KCNQ5: variants seen among roughly 807,000 people sequenced by gnomAD.
KCNQ5 encodes potassium voltage-gated channel subfamily KQT member 5.
KCNQ5 carries 30 observed loss-of-function variants against 98.2 expected under a neutral mutation model. The ratio of observed to expected loss-of-function variants is 0.31; its 90% CI spans 0.23 to 0.41. KCNQ5 has a LOEUF of 0.41. Ranked by LOEUF, KCNQ5 falls within the 10% of genes least tolerant of loss-of-function variation. The probability of loss-of-function intolerance (pLI) is 1.00; values close to 1 mark genes in which losing one functional copy is unlikely to be tolerated. For missense variants in KCNQ5, 835 were observed against 1,182.5 expected (o/e 0.71, Z 4.31); for synonymous variants, 458 against 449.4 (o/e 1.02, Z -0.24).
intron 1 of KCNQ5, among the ~76,000 whole-genome samples, chr6:72,929,044 T>C (rs779329770): frequency 6.6e-5 from 10 of 152,144 alleles, no homozygotes; most frequent in Non-Finnish European, 1.2e-4. Context: ...TATGATTATA[T>C]AATTAATCAG....
At chr6:72,631,595 T>A (rs2098920823) in intron 1 of KCNQ5, among the ~76,000 whole-genome samples, 1 of 152,198 alleles carries the variant, frequency 6.6e-6, no homozygotes. Context: ...CAATGTGGAA[T>A]TCTTCAGTGA....
chr6:72,999,112 G>C (rs1582165461), intron 1 of KCNQ5, among the ~76,000 whole-genome samples: 1 of 152,070 alleles, frequency 6.6e-6, no homozygotes, highest in African/African-American at 2.4e-5. Context: ...TTTCATTCTT[G>C]CTAAATGAAT....
chr6:72,680,615 G>A (rs1006884920), intron 1 of KCNQ5, among the ~76,000 whole-genome samples: 1 of 152,098 alleles, frequency 6.6e-6, no homozygotes, highest in Non-Finnish European at 1.5e-5. Flanking sequence ...ACTTATTTAG[G>A]CAATAGATAA....
intron 3 of KCNQ5, among the ~76,000 whole-genome samples, chr6:73,060,762 T>C (rs546305624): frequency 6.6e-6 from 1 of 152,208 alleles, no homozygotes; most frequent in African/African-American, 2.4e-5. Flanking sequence ...GAAATACATA[T>C]ATACCTCTTA....
chr6:72,964,388 T>A (rs531966855), intron 1 of KCNQ5, among the ~76,000 whole-genome samples: 130 of 152,342 alleles, frequency 8.5e-4, no homozygotes, highest in Non-Finnish European at 1.3e-3. Flanking sequence ...CTAAGAATAT[T>A]TGCAGCCTTC....
In KCNQ5 at chr6:73,010,120, G is replaced by A. The variant is rs536066609; in HGVS notation, c.489+6122G>A. Among the ~76,000 whole-genome samples the A allele has an allele frequency of 5.9e-5, 9 of 152,122 alleles. No individual in the cohort carries two copies. The East Asian group carries it at 9.6e-4, about 16-fold the overall frequency. On this transcript the variant is annotated intron_variant, in intron 2 of 13. Transcript: ENST00000370398. ...TGTAAAAATCATCAACAAAATGCTC[G>A]TATATTTACCAGAATATTAAGAGGA... is the stretch of plus-strand genomic sequence containing the variant.
intron 11 of KCNQ5, among the ~76,000 whole-genome samples, chr6:73,184,605 T>C (rs1778504388): frequency 1.3e-5 from 2 of 152,234 alleles, no homozygotes; most frequent in Non-Finnish European, 2.9e-5. Flanking sequence ...AAGAGCACAG[T>C]TCCTGGCATG....
chr6:72,722,460 T>A (rs1770018972), intron 1 of KCNQ5, among the ~76,000 whole-genome samples: 1 of 152,222 alleles, frequency 6.6e-6, no homozygotes, highest in African/African-American at 2.4e-5. Context: ...ATCTTTCAAA[T>A]CAGAACACCC....
chr6:72,622,287 G>A lies in KCNQ5; in HGVS notation c.98G>A (p.Gly33Asp), dbSNP rs1367563991. ...GCGGCGGCGGGCGGGGGGCGCTTGG[G>A]CAGCGGCATGAAGGATGTGGAGTCC... is the stretch of plus-strand genomic sequence containing the variant. ...AAAAAGGGRL[G>D]SGMKDVESGR... The change falls in exon 1 of 14, where the codon GGC becomes GAC. Residue 33 changes from glycine (G) to aspartate (D), a missense_variant. Gly to Asp is a moderately conservative substitution (Grantham distance 94, BLOSUM62 -1). Around this residue, in one of 10 missense-constraint regions of KCNQ5, gnomAD observed 80 missense variants for 72.3 expected, o/e 1.11. Transcript: ENST00000370398. This position sits in a 1 kb window ranked among gnomAD's most constrained non-coding sequence, Gnocchi z 6.0. 2 of 1,294,140 alleles carry A rather than the reference G, an allele frequency of 1.5e-6. No homozygotes were observed. Among genetic ancestry groups the A allele is most frequent in the South Asian group, 5.3e-5 (2 of 37,426 alleles). 80.2% of individuals were successfully genotyped at this position (1,294,140 alleles called of 1,614,324 possible).
At chr6:72,827,694 T>C (rs951221508) in intron 1 of KCNQ5, among the ~76,000 whole-genome samples, 5 of 152,150 alleles carry the variant, frequency 3.3e-5, no homozygotes, top group Non-Finnish European at 7.4e-5. Flanking sequence ...TTTTGCTCTG[T>C]TGATGTTTCC....
chr6:72,881,607 A>G (rs545335958), intron 1 of KCNQ5, among the ~76,000 whole-genome samples: 1 of 152,356 alleles, frequency 6.6e-6, no homozygotes, highest in Admixed American at 6.5e-5. Context: ...AATTTCAAGC[A>G]GAATTTTAAA....
chr6:72,643,631 C>G (rs1765440006), intron 1 of KCNQ5, among the ~76,000 whole-genome samples: 1 of 152,094 alleles, frequency 6.6e-6, no homozygotes, highest in African/African-American at 2.4e-5. Context: ...TAAGTGTCTG[C>G]AAATATTTCA....
At position 72,945,442 on chromosome 6, in the gene KCNQ5, C is replaced by G. The variant is rs1394807451; in HGVS notation, c.399-58466C>G. 7.4e-5 allele frequency among the ~76,000 whole-genome samples: 10 copies of G among 134,492 alleles called. No individual in the cohort carries two copies. In the South Asian group the frequency reaches 2.2e-3, roughly 30 times the overall value. The allele number at this position is 134,492 out of a possible 152,430, so 88.2% of individuals were successfully genotyped here. ...CGACAGGCCCCGGTGTGTGATGTTC[C>G]CCTTCCTGTGTCCATGTTTTTTTTT... On this transcript the variant is annotated intron_variant, in intron 1 of 13. Coordinates refer to ENST00000370398, the MANE Select transcript of KCNQ5 (RefSeq NM_019842.4).
chr6:72,966,400 A>G (rs550754875), intron 1 of KCNQ5, among the ~76,000 whole-genome samples: 11 of 147,658 alleles, frequency 7.4e-5, no homozygotes, highest in South Asian at 6.3e-4. Context: ...CTCTATTAAA[A>G]ATAACAAAAA....
chr6:73,036,156 G>A (rs1027783683), intron 2 of KCNQ5, among the ~76,000 whole-genome samples: 3 of 151,950 alleles, frequency 2.0e-5, no homozygotes, highest in Non-Finnish European at 2.9e-5. Context: ...GGAGGCCGAG[G>A]CAGGCAGATC....
chr6:72,879,540 G>A (rs1030450546), intron 1 of KCNQ5, among the ~76,000 whole-genome samples: 5 of 151,896 alleles, frequency 3.3e-5, no homozygotes, highest in African/African-American at 4.8e-5. Context: ...TCTTCTCTTA[G>A]ACACTTTACT....
intron 1 of KCNQ5, among the ~76,000 whole-genome samples, chr6:72,818,165 G>C (rs1775585379): frequency 6.6e-6 from 1 of 152,068 alleles, no homozygotes; most frequent in South Asian, 2.1e-4. Flanking sequence ...TTGTGAATAA[G>C]CATTCACACA....
intron 1 of KCNQ5, among the ~76,000 whole-genome samples, chr6:72,750,375 C>A (rs1361670845): frequency 6.6e-6 from 1 of 151,926 alleles, no homozygotes; most frequent in Non-Finnish European, 1.5e-5. Context: ...AAAGGAAATA[C>A]CCTGTTTTAA....
intron 1 of KCNQ5, among the ~76,000 whole-genome samples, chr6:72,731,297 G>A (rs369572120): frequency 1.3e-5 from 2 of 152,326 alleles, no homozygotes; most frequent in East Asian, 3.9e-4. Context: ...GCACAATGGA[G>A]ATAGAAAGGA....
Sources: gnomAD v4.1 joint callset for allele counts (sites outside exome capture counted in the v4.1 genomes callset) on GRCh38, gnomAD v4.1.1 for gene constraint, gnomAD v4.1.1 regional missense constraint, Gnocchi (gnomAD v3.1) non-coding constraint, MANE v1.5 for transcripts, NCBI Gene and HGNC (gene_info 2026-07-23, HGNC 2026-07-21) for gene names.